The following ROR1 variants were observed in gnomAD, a reference collection of about 807,000 sequenced individuals.
The protein encoded by ROR1 is inactive tyrosine-protein kinase transmembrane receptor ROR1.
In ROR1, 19 loss-of-function variants were observed where a neutral mutation model predicts 78.8. That is an observed-to-expected ratio of 0.24 (90% CI 0.17 to 0.35). The LOEUF (loss-of-function observed/expected upper bound fraction) is 0.35, where lower values mean the gene tolerates loss of function less well. Among genes scored for constraint, ROR1 ranks in the 10% least tolerant of loss-of-function variants. The pLI is 1.00. For synonymous variants in ROR1, 386 were observed against 433.6 expected (o/e 0.89, Z 1.36); for missense variants, 917 against 1,177.8 (o/e 0.78, Z 3.24).
chr1:64,090,294 A>G (rs953541230), intron 4 of ROR1, among the ~76,000 whole-genome samples: 4 of 152,290 alleles, frequency 2.6e-5, no homozygotes, highest in Non-Finnish European at 4.4e-5. Context: ...AGGCCTTGGG[A>G]AAAAAACATA....
Position 64,180,050 on chromosome 1 carries a change from T to TA in ROR1, c.*1201dup, listed in dbSNP as rs1650508364. On this transcript the variant is annotated 3_prime_UTR_variant, in exon 9 of 9. Transcript: ENST00000371079. ...ATTTTGCAAAATATGATGGTCTTCC[T>TA]AAAAAACAAGTACTGAGTTCTCATT... 6.6e-6 allele frequency: 1 copy of TA among 152,310 alleles called. No individual in the cohort carries two copies. Among genetic ancestry groups the TA allele is most frequent in the African/African-American group, 2.4e-5 (1 of 41,582 alleles). 9.4% of individuals were successfully genotyped at this position (152,310 alleles called of 1,614,324 possible). A position where few individuals can be genotyped will look rare whatever the true frequency, so the allele number is the denominator to read the frequency against.
intron 4 of ROR1, among the ~76,000 whole-genome samples, chr1:64,119,219 C>A (rs1019391473): frequency 6.6e-6 from 1 of 152,160 alleles, no homozygotes; most frequent in African/African-American, 2.4e-5. Flanking sequence ...ATGTGGTCCC[C>A]CTTTTACTGC....
chr1:64,069,052 A>G (rs1646980450), intron 4 of ROR1, among the ~76,000 whole-genome samples: 1 of 152,198 alleles, frequency 6.6e-6, no homozygotes, highest in African/African-American at 2.4e-5. Flanking sequence ...TTATAGCTGT[A>G]CAAAGTTGCA....
chr1:63,837,691 T>G (rs1331211864), intron 1 of ROR1, among the ~76,000 whole-genome samples: 1 of 152,170 alleles, frequency 6.6e-6, no homozygotes, highest in Non-Finnish European at 1.5e-5. Flanking sequence ...CACGGTGGCG[T>G]GTTCCTGTAG....
intron 4 of ROR1, among the ~76,000 whole-genome samples, chr1:64,064,671 C>A (rs1257592192): frequency 2.6e-5 from 4 of 152,266 alleles, no homozygotes; most frequent in Admixed American, 1.3e-4. Context: ...TCCTGCCCAA[C>A]CTTCAGGTAG....
intron 2 of ROR1, among the ~76,000 whole-genome samples, chr1:64,017,465 C>T (rs1383637682): frequency 2.0e-5 from 3 of 152,052 alleles, no homozygotes; most frequent in South Asian, 2.1e-4. Flanking sequence ...GAATTCTATC[C>T]GGAAATAGAG....
At chr1:63,778,465 C>T (rs577991042) in intron 1 of ROR1, among the ~76,000 whole-genome samples, 1 of 152,212 alleles carries the variant, frequency 6.6e-6, no homozygotes, top group African/African-American at 2.4e-5. Flanking sequence ...GGCCTTATCC[C>T]AGGTTAACAC....
At chr1:64,123,707 A>T (rs1228171274) in intron 4 of ROR1, among the ~76,000 whole-genome samples, 1 of 152,270 alleles carries the variant, frequency 6.6e-6, no homozygotes, top group East Asian at 1.9e-4. Flanking sequence ...GATTTTACCT[A>T]GCAGGTACTT....
chr1:64,142,619 T>G lies in ROR1; in HGVS notation c.1143T>G (p.Phe381Leu). 1 of 1,614,168 alleles carries G rather than the reference T, an allele frequency of 6.2e-7. No homozygotes were observed. Among genetic ancestry groups the G allele is most frequent in the Non-Finnish European group, 8.5e-7 (1 of 1,180,032 alleles). Residue 381 changes from phenylalanine (F) to leucine (L), a missense_variant, in exon 7 of 9, where the codon TTT becomes TTG. By Grantham distance (22) the Phe-to-Leu change is conservative. Around this residue, in one of 3 missense-constraint regions of ROR1, gnomAD observed 835 missense variants for 1,069.8 expected, o/e 0.78. Transcript: ENST00000371079. The part of the protein sequence containing the change: ...APWCFTLDEN[F>L]KSDLCDIPAC... Reference sequence around the variant, plus strand: ...GGTGCTTCACCTTGGATGAAAACTTTAAGTCTGATCTGTGTGACATCCCAG... The same window carrying G: ...GGTGCTTCACCTTGGATGAAAACTTGAAGTCTGATCTGTGTGACATCCCAG...
chr1:64,014,721 A>ATATATATATATATATATATATG (rs200268487), intron 2 of ROR1, among the ~76,000 whole-genome samples: 3,386 of 54,904 alleles, frequency 0.062, 388 homozygotes, highest in East Asian at 0.093. Flanking sequence ...GACTATATAT[A>ATATATATATATATATATATATG]TATATACACA....
chr1:64,033,675 G>A (rs1247542220), intron 2 of ROR1, among the ~76,000 whole-genome samples: 1 of 152,122 alleles, frequency 6.6e-6, no homozygotes, highest in Non-Finnish European at 1.5e-5. Flanking sequence ...CCCTTATATA[G>A]AACTTCACTG....
At chr1:64,065,047 T>A (rs1646945641) in intron 4 of ROR1, among the ~76,000 whole-genome samples, 1 of 152,158 alleles carries the variant, frequency 6.6e-6, no homozygotes, top group South Asian at 2.1e-4. Flanking sequence ...GATCTAGACC[T>A]CAATATTTAT....
chr1:64,120,090 G>T (rs769780213), intron 4 of ROR1, among the ~76,000 whole-genome samples: 1 of 152,190 alleles, frequency 6.6e-6, no homozygotes, highest in Non-Finnish European at 1.5e-5. Flanking sequence ...CTCCAAAGAC[G>T]CAATGTGCAC....
chr1:63,998,678 T>TA (rs1241464228), intron 1 of ROR1, among the ~76,000 whole-genome samples: 1 of 152,130 alleles, frequency 6.6e-6, no homozygotes, highest in Non-Finnish European at 1.5e-5. Flanking sequence ...ACAAGTACAT[T>TA]AGGCTAACCC....
intron 1 of ROR1, among the ~76,000 whole-genome samples, chr1:63,990,542 G>A (rs190557246): frequency 1.1e-4 from 16 of 152,132 alleles, no homozygotes; most frequent in Middle Eastern, 3.4e-3. Flanking sequence ...TTATGAGCTC[G>A]TTGACATCCA....
intron 1 of ROR1, among the ~76,000 whole-genome samples, chr1:63,817,598 A>T (rs1185342367): frequency 6.6e-6 from 1 of 152,126 alleles, no homozygotes; most frequent in African/African-American, 2.4e-5. Flanking sequence ...TTAAAGCACG[A>T]TTGTCTTTAA....
chr1:64,083,987 G>T (rs963731948), intron 4 of ROR1, among the ~76,000 whole-genome samples: 4 of 152,210 alleles, frequency 2.6e-5, no homozygotes, highest in African/African-American at 9.7e-5. Flanking sequence ...AAAGGACTGT[G>T]ACTCTAATTG....
chr1:64,024,592 C>G (rs1382488460), intron 2 of ROR1, among the ~76,000 whole-genome samples: 2 of 152,114 alleles, frequency 1.3e-5, no homozygotes, highest in African/African-American at 4.8e-5. Context: ...TAGAATTATT[C>G]TAGCTTTGTG....
chr1:64,164,884 A>C (rs1171742073), intron 8 of ROR1, among the ~76,000 whole-genome samples: 1 of 152,200 alleles, frequency 6.6e-6, no homozygotes, highest in African/African-American at 2.4e-5. Context: ...TTTGCTAAGG[A>C]TAATGGTCTC....
Sources: allele counts gnomAD v4.1 joint callset (sites outside exome capture counted in the v4.1 genomes callset), GRCh38; gene constraint gnomAD v4.1.1; regional missense constraint gnomAD v4.1.1; transcripts MANE v1.5; gene names NCBI Gene and HGNC (gene_info 2026-07-23, HGNC 2026-07-21).